The following CLMP variants were observed in gnomAD, a reference collection of about 807,000 sequenced individuals.
CLMP encodes the protein CXADR like cell adhesion molecule.
CLMP carries 27 observed loss-of-function variants against 45.2 expected under a neutral mutation model. That is an observed-to-expected ratio of 0.60 (90% CI 0.44 to 0.82). The LOEUF (loss-of-function observed/expected upper bound fraction) is 0.82. CLMP is among the 40% of genes least tolerant of loss of function. The pLI, the probability that CLMP is intolerant of heterozygous loss-of-function variation, is 0.00. For synonymous variants in CLMP, 167 were observed against 171.4 expected (o/e 0.97, Z 0.20); for missense variants, 403 against 448.4 (o/e 0.90, Z 0.91).
At chr11:123,171,663 C>T (rs12290606) in intron 1 of CLMP, among the ~76,000 whole-genome samples, 9,304 of 151,874 alleles carry the variant, frequency 0.061, 595 homozygotes, top group East Asian at 0.16. Context: ...AGGCTGGTCT[C>T]GAACTCCTGG....
chr11:123,167,527 C>T (rs377641972), intron 1 of CLMP, among the ~76,000 whole-genome samples: 3 of 149,978 alleles, frequency 2.0e-5, no homozygotes, highest in East Asian at 3.9e-4. Flanking sequence ...CCTCGTGATC[C>T]GCCTGCCTTG....
chr11:123,136,208 G>A lies in CLMP; in HGVS notation c.29-38256C>T. The A allele has an allele frequency of 4.7e-6, 3 of 645,086 alleles. 1 individual carries two copies. The highest frequency in any genetic ancestry group is 4.1e-5 in the South Asian group (3 of 72,806). 40.0% of individuals were successfully genotyped at this position (645,086 alleles called of 1,614,324 possible). ...GAACAAAAATCCTGCAAACCAGCCA[G>A]GAACACCACCCATTACAATCTGGGT... is the stretch of plus-strand genomic sequence containing the variant. On this transcript the variant is annotated intron_variant, in intron 1 of 6. Coordinates refer to ENST00000448775, the MANE Select transcript of CLMP (RefSeq NM_024769.5).
chr11:123,094,169 G>A (rs958336673), intron 2 of CLMP, among the ~76,000 whole-genome samples: 3 of 151,902 alleles, frequency 2.0e-5, no homozygotes, highest in Middle Eastern at 3.2e-3. Flanking sequence ...GTGCAGTGGC[G>A]CCATCTCTGC....
chr11:123,156,723 G>C (rs753118462), intron 1 of CLMP, among the ~76,000 whole-genome samples: 18 of 152,174 alleles, frequency 1.2e-4, no homozygotes, highest in Non-Finnish European at 2.5e-4. Flanking sequence ...AAATGTGAGG[G>C]GGAGATGCCC....
chr11:123,085,340 C>T (rs112728802), intron 2 of CLMP, among the ~76,000 whole-genome samples: 2,241 of 152,164 alleles, frequency 0.015, 30 homozygotes, highest in South Asian at 0.023. Context: ...CCTCCGCTTC[C>T]TGGGTTCAAG....
At chr11:123,170,308 G>A (rs949904502) in intron 1 of CLMP, among the ~76,000 whole-genome samples, 4 of 152,144 alleles carry the variant, frequency 2.6e-5, no homozygotes, top group South Asian at 2.1e-4. Flanking sequence ...ATGGTTTGTA[G>A]GGCAAACTCC....
chr11:123,140,508 G>C (rs1040143250), intron 1 of CLMP, among the ~76,000 whole-genome samples: 2 of 151,712 alleles, frequency 1.3e-5, no homozygotes, highest in African/African-American at 4.9e-5. Context: ...TGACAATGTG[G>C]GGGGGTGTCC....
At chr11:123,129,481 TTATA>T (rs1860953491) in intron 1 of CLMP, among the ~76,000 whole-genome samples, 1 of 140,662 alleles carries the variant, frequency 7.1e-6, no homozygotes, top group Non-Finnish European at 1.5e-5. Flanking sequence ...ATATTATAGA[TTATA>T]TATAATTAAT....
intron 1 of CLMP, among the ~76,000 whole-genome samples, chr11:123,167,168 T>C (rs1474230238): frequency 6.6e-6 from 1 of 152,222 alleles, no homozygotes; most frequent in African/African-American, 2.4e-5. Context: ...TGAAGAGGTA[T>C]CATTATTATC....
At chr11:123,150,473 AAGAAAGAAAG>A (rs1861305236) in intron 1 of CLMP, among the ~76,000 whole-genome samples, 2 of 108,382 alleles carry the variant, frequency 1.8e-5, no homozygotes, top group Admixed American at 1.8e-4. Flanking sequence ...GAAAGAAAGA[AAGAAAGAAAG>A]GAAGGAAGGA....
chr11:123,102,522 G>A (rs1444161704), intron 1 of CLMP, among the ~76,000 whole-genome samples: 5 of 150,268 alleles, frequency 3.3e-5, no homozygotes, highest in Admixed American at 2.7e-4. Flanking sequence ...CTCGTGATCC[G>A]CCCACCTCGG....
intron 1 of CLMP, among the ~76,000 whole-genome samples, chr11:123,174,089 A>T (rs1317581981): frequency 2.0e-5 from 3 of 152,164 alleles, no homozygotes; most frequent in African/African-American, 4.8e-5. Flanking sequence ...TTCAAAAAAA[A>T]TTTTTTTTAA....
At chr11:123,169,753 A>T (rs1362581141) in intron 1 of CLMP, among the ~76,000 whole-genome samples, 2 of 152,204 alleles carry the variant, frequency 1.3e-5, no homozygotes, top group Non-Finnish European at 1.5e-5. Context: ...GCTTGGTTTT[A>T]TCATTTTAGG....
At chr11:123,081,653 C>T (rs1246788404) in intron 5 of CLMP, among the ~76,000 whole-genome samples, 2 of 152,030 alleles carry the variant, frequency 1.3e-5, no homozygotes, top group African/African-American at 2.4e-5. Context: ...GGTGGATCGC[C>T]TAAGTCCAGG....
intron 1 of CLMP, among the ~76,000 whole-genome samples, chr11:123,144,960 G>T (rs1054559589): frequency 2.0e-5 from 3 of 152,072 alleles, no homozygotes; most frequent in Non-Finnish European, 4.4e-5. Context: ...ACTACATGTG[G>T]CAATGGAGCA....
intron 5 of CLMP, among the ~76,000 whole-genome samples, chr11:123,077,282 G>A (rs1194966383): frequency 3.3e-5 from 5 of 151,708 alleles, no homozygotes; most frequent in African/African-American, 4.8e-5. Context: ...GATTTCAGGC[G>A]TGAGCCACTG....
chr11:123,094,420 G>T (rs1480510457), intron 2 of CLMP, among the ~76,000 whole-genome samples: 2 of 152,122 alleles, frequency 1.3e-5, no homozygotes, highest in Non-Finnish European at 2.9e-5. Flanking sequence ...CCAGCCCAGG[G>T]TGCCTAATTT....
chr11:123,129,597 T>TATATAATATATATTATATTTATATA (rs1343047753), intron 1 of CLMP, among the ~76,000 whole-genome samples: 8 of 141,170 alleles, frequency 5.7e-5, no homozygotes, highest in Non-Finnish European at 7.6e-5. Context: ...AATTATATAG[T>TATATAATATATATTATATTTATATA]ATATAATATA....
intron 1 of CLMP, among the ~76,000 whole-genome samples, chr11:123,118,415 A>G (rs1860745525): frequency 6.6e-6 from 1 of 152,206 alleles, no homozygotes; most frequent in Non-Finnish European, 1.5e-5. Flanking sequence ...GATTACAGGC[A>G]TAAGCCACCA....
Sources: gnomAD v4.1 joint callset for allele counts (sites outside exome capture counted in the v4.1 genomes callset) on GRCh38, gnomAD v4.1.1 for gene constraint, MANE v1.5 for transcripts, NCBI Gene and HGNC (gene_info 2026-07-23, HGNC 2026-07-21) for gene names.